The following ARHGAP24 variants were observed in gnomAD, a reference collection of about 807,000 sequenced individuals.
The protein encoded by ARHGAP24 is rho GTPase-activating protein 24.
ARHGAP24 carries 50 observed loss-of-function variants against 76.4 expected under a neutral mutation model. The observed-to-expected ratio is 0.65, with a 90% CI of 0.52 to 0.83. ARHGAP24 has a LOEUF of 0.83. Among genes scored for constraint, ARHGAP24 ranks in the 40% least tolerant of loss-of-function variants. The pLI, the probability that ARHGAP24 is intolerant of heterozygous loss-of-function variation, is 0.00. For missense variants in ARHGAP24, 930 were observed against 914.2 expected, an observed-to-expected ratio of 1.02 and a Z score of -0.22; for synonymous variants, 345 against 323.3, an observed-to-expected ratio of 1.07 and a Z score of -0.72.
rs561941854 is a variant in ARHGAP24, at chr4:85,711,398, G to A, written c.181-10487G>A. 2.3e-4 allele frequency among the ~76,000 whole-genome samples: 35 copies of A among 152,144 alleles called. 1 individual carries two copies. The South Asian group carries it at 6.2e-3, about 27-fold the overall frequency. ...AAACTTAAAAAATCAACCTTATAGC[G>A]AAAGTATTAATGTTTTTGTGAAATA... is the stretch of plus-strand genomic sequence containing the variant. On this transcript the variant is annotated intron_variant, in intron 2 of 9. Coordinates refer to ENST00000395184, the MANE Select transcript of ARHGAP24 (RefSeq NM_001025616.3).
At chr4:85,602,587 T>C (rs541573794) in intron 2 of ARHGAP24, among the ~76,000 whole-genome samples, 1 of 152,304 alleles carries the variant, frequency 6.6e-6, no homozygotes, top group Non-Finnish European at 1.5e-5. Flanking sequence ...ACTCAGGTAA[T>C]TCATATATTA....
At chr4:85,792,354 C>T (rs1213009091) in intron 3 of ARHGAP24, among the ~76,000 whole-genome samples, 2 of 151,970 alleles carry the variant, frequency 1.3e-5, no homozygotes, top group Admixed American at 6.6e-5. Context: ...TGGAGTATCC[C>T]GTGTTACCAA....
chr4:85,862,125 C>CA (rs1446278074), intron 3 of ARHGAP24, among the ~76,000 whole-genome samples: 1 of 151,934 alleles, frequency 6.6e-6, no homozygotes, highest in Non-Finnish European at 1.5e-5. Context: ...CTTGAATACT[C>CA]AGAGTTTCAG....
At chr4:85,984,311 C>A (rs1739857792) in intron 8 of ARHGAP24, among the ~76,000 whole-genome samples, 1 of 152,114 alleles carries the variant, frequency 6.6e-6, no homozygotes, top group Admixed American at 6.6e-5. Flanking sequence ...TTATAAAGAA[C>A]AGAAATTTAT....
intron 3 of ARHGAP24, among the ~76,000 whole-genome samples, chr4:85,818,935 C>G (rs762557340): frequency 1.3e-5 from 2 of 152,210 alleles, no homozygotes; most frequent in Admixed American, 6.5e-5. Flanking sequence ...CACAGCAACA[C>G]TCTTCACAAC....
intron 3 of ARHGAP24, among the ~76,000 whole-genome samples, chr4:85,823,563 C>T (rs558364714): frequency 4.6e-5 from 7 of 152,304 alleles, no homozygotes; most frequent in Admixed American, 4.6e-4. Context: ...CAGCAGCTGA[C>T]ACTGTTATCA....
chr4:85,817,252 C>T (rs1245780056), intron 3 of ARHGAP24, among the ~76,000 whole-genome samples: 2 of 152,090 alleles, frequency 1.3e-5, no homozygotes, highest in Non-Finnish European at 2.9e-5. Context: ...TACAGGGAAA[C>T]TTTTTAGTTT....
chr4:85,755,634 T>TTTTTTC lies in ARHGAP24; in HGVS notation c.268+33663_268+33664insTTTTCT, dbSNP rs1383769084. Among the ~76,000 whole-genome samples, 6 of 72,082 alleles carry TTTTTTC rather than the reference T, an allele frequency of 8.3e-5. 1 individual carries two copies. The highest frequency in any genetic ancestry group is 3.3e-4 in the Admixed American group (2 of 6,066). 47.3% of individuals were successfully genotyped at this position (72,082 alleles called of 152,430 possible). On this transcript the variant is annotated intron_variant, in intron 3 of 9. Coordinates refer to ENST00000395184, the MANE Select transcript of ARHGAP24 (RefSeq NM_001025616.3). ...GAAGCTTCTATTCTTTTGTTTTGTT[T>TTTTTTC]TGTTTTGTTTTGTTTTGAGACGGAG... is the stretch of plus-strand genomic sequence containing the variant.
intron 1 of ARHGAP24, among the ~76,000 whole-genome samples, chr4:85,481,684 C>A (rs1365449537): frequency 5.3e-5 from 8 of 152,152 alleles, no homozygotes; most frequent in African/African-American, 1.7e-4. Flanking sequence ...TTACTTCATT[C>A]CATGACATGG....
chr4:85,664,774 A>G (rs1173569326), intron 2 of ARHGAP24, among the ~76,000 whole-genome samples: 4 of 151,954 alleles, frequency 2.6e-5, no homozygotes, highest in Non-Finnish European at 5.9e-5. Context: ...TTATGTACCC[A>G]GTAGTCATTC....
At chr4:85,958,770 G>A (rs1052843277) in intron 5 of ARHGAP24, among the ~76,000 whole-genome samples, 7 of 152,114 alleles carry the variant, frequency 4.6e-5, no homozygotes, top group African/African-American at 1.4e-4. Context: ...AAATCAATTT[G>A]AGAACATTTT....
intron 3 of ARHGAP24, among the ~76,000 whole-genome samples, chr4:85,762,570 C>A (rs745801411): frequency 6.6e-6 from 1 of 152,094 alleles, no homozygotes; most frequent in Non-Finnish European, 1.5e-5. Context: ...TTCTTTAAAA[C>A]AAATGTGTGA....
intron 3 of ARHGAP24, among the ~76,000 whole-genome samples, chr4:85,726,769 G>A (rs1344418380): frequency 1.3e-5 from 2 of 152,082 alleles, no homozygotes; most frequent in South Asian, 2.1e-4. Context: ...TGCACGTATC[G>A]CTTTATTTAA....
At chr4:85,575,826 A>G (rs887969174) in intron 2 of ARHGAP24, among the ~76,000 whole-genome samples, 1 of 152,230 alleles carries the variant, frequency 6.6e-6, no homozygotes, top group African/African-American at 2.4e-5. Context: ...GCTTGGCCAT[A>G]CTAGAGAAAG....
intron 5 of ARHGAP24, among the ~76,000 whole-genome samples, chr4:85,967,772 GT>G (rs1363314905): frequency 6.6e-6 from 1 of 152,110 alleles, no homozygotes; most frequent in Non-Finnish European, 1.5e-5. Context: ...TTAGCAAATA[GT>G]TTTGAACTTC....
At chr4:85,529,309 A>G (rs1411509853) in intron 1 of ARHGAP24, among the ~76,000 whole-genome samples, 1 of 152,000 alleles carries the variant, frequency 6.6e-6, no homozygotes. Context: ...TAAATAAAGC[A>G]CCTGTTCTTT....
intron 2 of ARHGAP24, among the ~76,000 whole-genome samples, chr4:85,686,176 C>T (rs1454414563): frequency 2.6e-5 from 4 of 152,144 alleles, no homozygotes; most frequent in Admixed American, 1.3e-4. Context: ...ATCACAGAGC[C>T]TACTTATATT....
At chr4:85,841,135 A>G (rs1028770122) in intron 3 of ARHGAP24, among the ~76,000 whole-genome samples, 6 of 152,198 alleles carry the variant, frequency 3.9e-5, no homozygotes, top group Non-Finnish European at 5.9e-5. Flanking sequence ...ATTTAGCTGC[A>G]TTTGTACTTT....
intron 3 of ARHGAP24, among the ~76,000 whole-genome samples, chr4:85,800,180 G>T (rs1257410457): frequency 6.6e-6 from 1 of 152,180 alleles, no homozygotes. Flanking sequence ...ACAAGATAAA[G>T]CTGGGTGAAG....
Sources: allele counts gnomAD v4.1 joint callset (sites outside exome capture counted in the v4.1 genomes callset), GRCh38; gene constraint gnomAD v4.1.1; transcripts MANE v1.5; gene names NCBI Gene and HGNC (gene_info 2026-07-23, HGNC 2026-07-21).